Variants in MRGPRX1 observed in about 807,000 individuals in gnomAD.
The protein encoded by MRGPRX1 is MAS related GPR family member X1, also known as mas-related G protein-coupled receptor member X1.
For missense variants in MRGPRX1, 411 were observed against 393.8 expected, an observed-to-expected ratio of 1.04 and a Z score of -0.37; for synonymous variants, 208 against 170.4, an observed-to-expected ratio of 1.22 and a Z score of -1.72.
intron 1 of MRGPRX1, among the ~76,000 whole-genome samples, chr11:18,937,313 C>T (rs1351541855): frequency 6.6e-6 from 1 of 151,260 alleles, no homozygotes; most frequent in Non-Finnish European, 1.5e-5. Context: ...TTTTGGAATT[C>T]TGATGTACGA....
intron 1 of MRGPRX1, among the ~76,000 whole-genome samples, chr11:18,936,174 G>C (rs915129737): frequency 6.6e-6 from 1 of 151,272 alleles, no homozygotes; most frequent in Non-Finnish European, 1.5e-5. Context: ...GCTGACTCAT[G>C]ATCCAGTCTT....
intron 1 of MRGPRX1, among the ~76,000 whole-genome samples, chr11:18,936,694 C>A (rs1213967522): frequency 6.6e-6 from 1 of 151,524 alleles, no homozygotes; most frequent in African/African-American, 2.4e-5. Context: ...CCTCATGAAA[C>A]CTGAAGCTTC....
In MRGPRX1 at chr11:18,934,128, C is replaced by G. The variant is rs781522193; in HGVS notation, c.657G>C (p.Leu219=). The change falls in exon 2 of 2, where the codon CTG becomes CTC. Residue 219 remains leucine (L), a synonymous_variant. Transcript: ENST00000526914. ...IPLTRLYVTI[L]LTVLVFLLCG... ...AGAGGAGGAAGACCAGTACTGTGAG[C>G]AGGATGGTCACGTACAGCCTGGTCA... is the stretch of plus-strand genomic sequence containing the variant. The G allele has an allele frequency of 2.8e-5, 45 of 1,610,762 alleles. 1 individual carries two copies. The highest frequency in any genetic ancestry group is 2.7e-4 in the Admixed American group (16 of 59,386).
Position 18,934,681 on chromosome 11 carries a change from C to A in MRGPRX1, c.104G>T (p.Cys35Phe). Residue 35 changes from cysteine (C) to phenylalanine (F), a missense_variant, in exon 2 of 2, where the codon TGC becomes TTC. Cys to Phe is a radical substitution (Grantham distance 205, BLOSUM62 -2). Coordinates refer to ENST00000526914, the MANE Select transcript of MRGPRX1 (RefSeq NM_001393578.1). ...KQTLSLTVLTCIVSLVGLTGN... is the reference protein window; with the variant it reads ...KQTLSLTVLTFIVSLVGLTGN... The stretch of plus-strand genomic sequence containing the variant: ...TGTCAGCCCGACAAGGGAAACGATG[C>A]ACGTCAGCACCGTGAGGCTCAAGGT... 1.2e-6 allele frequency: 2 copies of A among 1,610,700 alleles called. No individual in the cohort carries two copies. Among genetic ancestry groups the A allele is most frequent in the South Asian group, 1.1e-5 (1 of 90,768 alleles).
chr11:18,937,845 G>T (rs1421563368), intron 1 of MRGPRX1, among the ~76,000 whole-genome samples: 1 of 151,496 alleles, frequency 6.6e-6, no homozygotes, highest in Non-Finnish European at 1.5e-5. Flanking sequence ...CATTTTGGAT[G>T]AATGCAAACA....
rs1848856657 is a variant in MRGPRX1, at chr11:18,938,295, C to A, written c.-26+985G>T. ...TTGGCTTATGGCTCTGCGGGCTATG[C>A]AAGAAGCATAGCAGCTTCTGCTTCT... On this transcript the variant is annotated intron_variant, in intron 1 of 1. Transcript: ENST00000526914. 1.3e-5 allele frequency among the ~76,000 whole-genome samples: 2 copies of A among 151,546 alleles called. 1 individual carries two copies. The highest frequency in any genetic ancestry group is 4.2e-4 in the South Asian group (2 of 4,780).
In MRGPRX1 at chr11:18,938,195, T is replaced by A. The variant is rs1022785119; in HGVS notation, c.-26+1085A>T. ...GATTTCCACCTCCTGGCTCTCTGCCTGTGTATTAGTTCATTCTTGAATTGC... is the reference window on the plus strand; with the variant it reads ...GATTTCCACCTCCTGGCTCTCTGCCAGTGTATTAGTTCATTCTTGAATTGC... On this transcript the variant is annotated intron_variant, in intron 1 of 1. Coordinates refer to ENST00000526914, the MANE Select transcript of MRGPRX1 (RefSeq NM_001393578.1). Among the ~76,000 whole-genome samples the A allele has an allele frequency of 3.5e-4, 53 of 151,558 alleles. 2 individuals are homozygous for A. Among genetic ancestry groups the A allele is most frequent in the African/African-American group, 1.1e-3 (46 of 41,300 alleles).
intron 1 of MRGPRX1, among the ~76,000 whole-genome samples, chr11:18,935,452 C>T (rs1848833203): frequency 6.6e-6 from 1 of 151,416 alleles, no homozygotes; most frequent in Non-Finnish European, 1.5e-5. Flanking sequence ...AAATGGAAAA[C>T]AAAAATGAAA....
Position 18,934,583 on chromosome 11 carries a change from A to G in MRGPRX1, c.202T>C (p.Leu68=), listed in dbSNP as rs772139958. The change falls in exon 2 of 2, where the codon TTG becomes CTG. Residue 68 remains leucine, a synonymous_variant. Transcript: ENST00000526914. ...AGGAAGAGGAAGTCTGCTGCGGCCA[A>G]GTTGAGGATGTAGATGGAGAAGGCG... is the stretch of plus-strand genomic sequence containing the variant. ...RNAFSIYILN[L]AAADFLFLSG... 70 of 1,609,634 alleles carry G rather than the reference A, an allele frequency of 4.3e-5. No homozygotes were observed. In the South Asian group the frequency reaches 5.5e-4, roughly 13 times the overall value.
chr11:18,933,820 T>G lies in MRGPRX1; in HGVS notation c.965A>C (p.Gln322Pro), dbSNP rs1414887605. ...TGACAGGGCAGAGGCTCTTCCTCACTGCTCCAATCTGCTTCCCGACAGCTC... is the reference window on the plus strand; with the variant it reads ...TGACAGGGCAGAGGCTCTTCCTCACGGCTCCAATCTGCTTCCCGACAGCTC... ...ILELSGSRLE[Q>P] is the part of the protein sequence containing the mutation. Residue 322 changes from glutamine to proline, a missense_variant, in exon 2 of 2, where the codon CAG becomes CCG. Gln to Pro is a moderately conservative substitution (Grantham distance 76, BLOSUM62 -1). Transcript: ENST00000526914. 5.0e-6 allele frequency: 8 copies of G among 1,604,844 alleles called. No individual in the cohort carries two copies. Among genetic ancestry groups the G allele is most frequent in the Non-Finnish European group, 6.8e-6 (8 of 1,175,282 alleles).
At position 18,934,050 on chromosome 11, in the gene MRGPRX1, G is replaced by C; in HGVS notation, c.735C>G (p.Asp245Glu). The change falls in exon 2 of 2, where the codon GAC becomes GAG. Residue 245 changes from aspartate to glutamate, a missense_variant. Coordinates refer to ENST00000526914, the MANE Select transcript of MRGPRX1 (RefSeq NM_001393578.1). ...GAACATGACAAAATAAGACTTCCCT[G>C]TCCACGTGGATCCATAAAAATAGGA... The part of the protein sequence containing the change: ...QFFLFLWIHV[D>E]REVLFCHVHL... 1.2e-6 allele frequency: 2 copies of C among 1,610,894 alleles called. No individual in the cohort carries two copies. The highest frequency in any genetic ancestry group is 2.2e-5 in the South Asian group (2 of 90,786).
At chr11:18,937,120 G>C (rs7126787) in intron 1 of MRGPRX1, among the ~76,000 whole-genome samples, 2,234 of 151,376 alleles carry the variant, frequency 0.015, 68 homozygotes, top group African/African-American at 0.052. Flanking sequence ...TTATGACCAG[G>C]TGCTGTTCAG....
At position 18,933,836 on chromosome 11, in the gene MRGPRX1, C is replaced by A. The variant is rs540739473; in HGVS notation, c.949G>T (p.Gly317Ter). The A allele has an allele frequency of 2.5e-6, 4 of 1,608,702 alleles. No individual in the cohort carries two copies. In the Admixed American group the frequency reaches 5.1e-5, roughly 20 times the overall value. The change falls in exon 2 of 2, where the codon GGA becomes TGA. Residue 317 changes from glycine (G) to a stop codon, truncating the protein, a stop_gained. Transcript: ENST00000526914. LOFTEE classifies it low-confidence loss of function (END_TRUNC). ...QLPEEILELS[G>*]SRLEQ is the part of the protein sequence containing the mutation. ...CTTCCTCACTGCTCCAATCTGCTTC[C>A]CGACAGCTCCAGGATTTCCTCAGGA...
intron 1 of MRGPRX1, among the ~76,000 whole-genome samples, chr11:18,935,813 A>C (rs1848836003): frequency 6.6e-6 from 1 of 151,494 alleles, no homozygotes; most frequent in Non-Finnish European, 1.5e-5. Context: ...CTGAGTATAC[A>C]CAATATAAAC....
chr11:18,936,972 C>A (rs566737534), intron 1 of MRGPRX1, among the ~76,000 whole-genome samples: 4 of 151,370 alleles, frequency 2.6e-5, no homozygotes, highest in Non-Finnish European at 5.9e-5. Flanking sequence ...GATGTGAGTA[C>A]AGAATCAGAG....
At position 18,933,511 on chromosome 11, in the gene MRGPRX1, G is replaced by T. The variant is rs1249722873; in HGVS notation, c.*305C>A. Among the ~76,000 whole-genome samples the T allele has an allele frequency of 6.6e-6, 1 of 151,430 alleles. No individual in the cohort carries two copies. Among genetic ancestry groups the T allele is most frequent in the African/African-American group, 2.4e-5 (1 of 41,306 alleles). On this transcript the variant is annotated 3_prime_UTR_variant, in exon 2 of 2. Coordinates refer to ENST00000526914, the MANE Select transcript of MRGPRX1 (RefSeq NM_001393578.1). ...AGTATAAAGAGTGTTTTAGGGTTTT[G>T]TACAGGAACTCCTTTTATTACAAAG...
At position 18,934,771 on chromosome 11, in the gene MRGPRX1, A is replaced by G; in HGVS notation, c.14T>C (p.Ile5Thr). ...TGTCAGTTCTGTGTCCAAGGTTGAG[A>G]TGGTTGGATCCATGCTCAGAAACCC... MDPT[I>T]STLDTELTPI... Residue 5 changes from isoleucine to threonine, a missense_variant, in exon 2 of 2, where the codon ATC becomes ACC. Physicochemically the swap from Ile to Thr is moderately conservative, Grantham distance 89 (BLOSUM62 -1). Transcript: ENST00000526914. The G allele has an allele frequency of 1.3e-6, 2 of 1,580,250 alleles. No homozygotes were observed. The highest frequency in any genetic ancestry group is 1.7e-6 in the Non-Finnish European group (2 of 1,162,448).
chr11:18,934,764 G>C lies in MRGPRX1; in HGVS notation c.21C>G (p.Thr7=). 12 of 1,581,626 alleles carry C rather than the reference G, an allele frequency of 7.6e-6. No individual in the cohort carries two copies. Among genetic ancestry groups the C allele is most frequent in the Non-Finnish European group, 9.5e-6 (11 of 1,163,246 alleles). Residue 7 remains threonine, a synonymous_variant, in exon 2 of 2, where the codon ACC becomes ACG. Coordinates refer to ENST00000526914, the MANE Select transcript of MRGPRX1 (RefSeq NM_001393578.1). ...TGATTGGTGTCAGTTCTGTGTCCAA[G>C]GTTGAGATGGTTGGATCCATGCTCA... is the stretch of plus-strand genomic sequence containing the variant. MDPTIS[T]LDTELTPING...
chr11:18,937,462 G>C (rs1205992913), intron 1 of MRGPRX1, among the ~76,000 whole-genome samples: 1 of 151,496 alleles, frequency 6.6e-6, no homozygotes, highest in Non-Finnish European at 1.5e-5. Flanking sequence ...TATATAAAAT[G>C]ATGTGATAGT....
Sources: allele counts gnomAD v4.1 joint callset (sites outside exome capture counted in the v4.1 genomes callset), GRCh38; gene constraint gnomAD v4.1.1; transcripts MANE v1.5; gene names NCBI Gene and HGNC (gene_info 2026-07-23, HGNC 2026-07-21).